Variants in UMAD1 observed in about 807,000 individuals in gnomAD.
UMAD1 encodes the protein UBAP1-MVB12-associated (UMA)-domain containing protein 1.
Under a neutral mutation model 6.1 loss-of-function variants are expected in UMAD1, and 8 were observed. That is an observed-to-expected ratio of 1.30 (90% CI 0.76 to 2.35). The LOEUF (loss-of-function observed/expected upper bound fraction) is 2.35. Among genes scored for constraint, UMAD1 ranks in the 30% most tolerant of loss-of-function variants. The pLI is 0.00. For synonymous variants in UMAD1, 56 were observed against 31.4 expected, an observed-to-expected ratio of 1.78 and a Z score of -2.61; for missense variants, 130 against 78.4, an observed-to-expected ratio of 1.66 and a Z score of -2.49.
At chr7:7,756,655 G>A (rs1407062702) in intron 2 of UMAD1, among the ~76,000 whole-genome samples, 1 of 152,150 alleles carries the variant, frequency 6.6e-6, no homozygotes, top group Non-Finnish European at 1.5e-5. Context: ...GATGTCTCTT[G>A]TTAAAAAGTT....
At chr7:7,646,411 C>A (rs1201912895) in intron 1 of UMAD1, among the ~76,000 whole-genome samples, 1 of 150,706 alleles carries the variant, frequency 6.6e-6, no homozygotes, top group Non-Finnish European at 1.5e-5. Context: ...TTCCCCCATA[C>A]TGTTCTCGTG....
intron 2 of UMAD1, among the ~76,000 whole-genome samples, chr7:7,758,822 C>G (rs1781829755): frequency 6.6e-6 from 1 of 152,160 alleles, no homozygotes; most frequent in South Asian, 2.1e-4. Context: ...TATCCTTTCT[C>G]CGAGTGGTGG....
At chr7:7,756,445 G>T (rs916466668) in intron 2 of UMAD1, among the ~76,000 whole-genome samples, 1 of 152,164 alleles carries the variant, frequency 6.6e-6, no homozygotes, top group African/African-American at 2.4e-5. Flanking sequence ...CAGTCCATGG[G>T]TTGGACTCAC....
At chr7:7,852,023 T>G (rs904437349) in intron 3 of UMAD1, among the ~76,000 whole-genome samples, 26 of 152,190 alleles carry the variant, frequency 1.7e-4, no homozygotes, top group Non-Finnish European at 2.5e-4. Flanking sequence ...TATAGGCTTT[T>G]GATCAACTTT....
intron 3 of UMAD1, among the ~76,000 whole-genome samples, chr7:7,812,454 A>G (rs1285693795): frequency 6.6e-6 from 1 of 152,194 alleles, no homozygotes; most frequent in Non-Finnish European, 1.5e-5. Context: ...ATGTAACTTT[A>G]AGTGCCCAAC....
chr7:7,775,552 A>G (rs1024711573), intron 2 of UMAD1, among the ~76,000 whole-genome samples: 2 of 152,208 alleles, frequency 1.3e-5, no homozygotes, highest in Non-Finnish European at 2.9e-5. Flanking sequence ...TTAAACCTCT[A>G]TAAATTACCC....
At chr7:7,745,375 C>T (rs1781551978) in intron 2 of UMAD1, among the ~76,000 whole-genome samples, 1 of 152,174 alleles carries the variant, frequency 6.6e-6, no homozygotes, top group East Asian at 1.9e-4. Flanking sequence ...CTAATTATAT[C>T]ACGACTTTAT....
chr7:7,842,936 C>G (rs113461471), intron 3 of UMAD1, among the ~76,000 whole-genome samples: 149 of 152,234 alleles, frequency 9.8e-4, no homozygotes, highest in African/African-American at 3.1e-3. Context: ...GTTACAAAAC[C>G]CAGTAGGGTC....
chr7:7,667,942 A>G (rs527664423), intron 1 of UMAD1, among the ~76,000 whole-genome samples: 2 of 151,922 alleles, frequency 1.3e-5, no homozygotes, highest in Non-Finnish European at 2.9e-5. Context: ...TTTTTTGTTC[A>G]TTTAACACAG....
intron 2 of UMAD1, among the ~76,000 whole-genome samples, chr7:7,707,172 A>G (rs942823175): frequency 2.6e-5 from 4 of 152,252 alleles, no homozygotes; most frequent in East Asian, 3.9e-4. Context: ...AACAGGCAAA[A>G]TCAGTTTTTA....
intron 1 of UMAD1, among the ~76,000 whole-genome samples, chr7:7,664,293 C>T (rs10275145): frequency 0.04 from 6,110 of 152,212 alleles, 383 homozygotes; most frequent in African/African-American, 0.14. Flanking sequence ...CCATCTTAAT[C>T]CAGTCCCGTT....
intron 2 of UMAD1, among the ~76,000 whole-genome samples, chr7:7,717,726 C>T (rs549331954): frequency 6.6e-6 from 1 of 152,268 alleles, no homozygotes; most frequent in South Asian, 2.1e-4. Context: ...TGCAGTTTAA[C>T]AAAGAAGTTA....
intron 2 of UMAD1, among the ~76,000 whole-genome samples, chr7:7,676,476 T>A (rs1246176173): frequency 6.6e-6 from 1 of 152,156 alleles, no homozygotes; most frequent in Non-Finnish European, 1.5e-5. Flanking sequence ...GAACTATCCA[T>A]CTTTTTGTAA....
At chr7:7,748,842 G>A (rs1368195322) in intron 2 of UMAD1, among the ~76,000 whole-genome samples, 1 of 151,976 alleles carries the variant, frequency 6.6e-6, no homozygotes, top group Non-Finnish European at 1.5e-5. Context: ...TTTATCAGAA[G>A]GATACTTTAG....
chr7:7,871,713 T>A (rs1296188302), intron 3 of UMAD1, among the ~76,000 whole-genome samples: 1 of 152,120 alleles, frequency 6.6e-6, no homozygotes, highest in Non-Finnish European at 1.5e-5. Flanking sequence ...AGCAACCCCC[T>A]TCAGGTCAGA....
intron 3 of UMAD1, among the ~76,000 whole-genome samples, chr7:7,873,934 T>G (rs1365442340): frequency 6.6e-6 from 1 of 152,190 alleles, no homozygotes; most frequent in Admixed American, 6.5e-5. Flanking sequence ...TCTCTCCACT[T>G]TCTCCACCAG....
chr7:7,665,018 C>T (rs1047808436), intron 1 of UMAD1, among the ~76,000 whole-genome samples: 3 of 151,896 alleles, frequency 2.0e-5, no homozygotes, highest in Admixed American at 6.6e-5. Flanking sequence ...TATATATACA[C>T]ACACACACAC....
At chr7:7,789,016 T>C (rs1362989689) in intron 2 of UMAD1, among the ~76,000 whole-genome samples, 5 of 152,268 alleles carry the variant, frequency 3.3e-5, no homozygotes, top group Non-Finnish European at 7.3e-5. Context: ...AGTTTACATT[T>C]TTTTAGAGTC....
In UMAD1 at chr7:7,801,849, T is replaced by G. The variant is rs944761151; in HGVS notation, c.156+106T>G. 5 of 655,044 alleles carry G rather than the reference T, an allele frequency of 7.6e-6. No homozygotes were observed. In the Admixed American group the frequency reaches 1.2e-4, roughly 16 times the overall value. The allele number at this position is 655,044 out of a possible 1,614,324, so 40.6% of individuals were successfully genotyped here. A position where few individuals can be genotyped will look rare whatever the true frequency, so the allele number is the denominator to read the frequency against. On this transcript the variant is annotated intron_variant, in intron 3 of 3. Coordinates refer to ENST00000682710, the MANE Select transcript of UMAD1 (RefSeq NM_001302348.2). Reference sequence around the variant, plus strand: ...ACTTCTGCTCTTGCTATGCCATAGGTGCCTGAATACAGGGAAACAAGTGGT... The same window carrying G: ...ACTTCTGCTCTTGCTATGCCATAGGGGCCTGAATACAGGGAAACAAGTGGT...
Sources: allele counts gnomAD v4.1 joint callset (sites outside exome capture counted in the v4.1 genomes callset), GRCh38; gene constraint gnomAD v4.1.1; transcripts MANE v1.5; gene names NCBI Gene and HGNC (gene_info 2026-07-23, HGNC 2026-07-21).